Variants in EFCAB8 observed in about 807,000 individuals in gnomAD.
EFCAB8 encodes the protein EF-hand calcium binding domain 8, also known as EF-hand calcium-binding domain-containing protein 8.
EFCAB8 carries 100 observed loss-of-function variants against 116.3 expected under a neutral mutation model. The ratio of observed to expected loss-of-function variants is 0.86; its 90% CI spans 0.73 to 1.02. The LOEUF (loss-of-function observed/expected upper bound fraction) is 1.02, where lower values mean the gene tolerates loss of function less well. EFCAB8 is among the 50% of genes least tolerant of loss of function. The pLI, the probability that EFCAB8 is intolerant of heterozygous loss-of-function variation, is 0.00. For missense variants in EFCAB8, 1,320 were observed against 1,416.9 expected (o/e 0.93, Z 1.10); for synonymous variants, 558 against 567.9 (o/e 0.98, Z 0.25).
At chr20:32,961,006 C>A in intron 26 of EFCAB8, 130 bp from the exon 27 acceptor site, 1 of 787,162 alleles carries the variant, frequency 1.3e-6, no homozygotes, top group Non-Finnish European at 2.1e-6. Flanking sequence ...TAGCCACAGT[C>A]CTCTGGACAC....
At chr20:32,905,129 G>A (rs1030682518) in intron 11 of EFCAB8, among the ~76,000 whole-genome samples, 1 of 152,152 alleles carries the variant, frequency 6.6e-6, no homozygotes, top group Non-Finnish European at 1.5e-5. Context: ...CTCCTGGATC[G>A]CTGCTTACTG....
At chr20:32,933,010 A>C (rs1320394425) in intron 22 of EFCAB8, among the ~76,000 whole-genome samples, 2 of 152,120 alleles carry the variant, frequency 1.3e-5, no homozygotes, top group East Asian at 1.9e-4. Flanking sequence ...TCATCATCAT[A>C]ATAATATTTA....
chr20:32,945,679 G>A (rs1054283522), intron 23 of EFCAB8, among the ~76,000 whole-genome samples: 6 of 151,530 alleles, frequency 4.0e-5, no homozygotes, highest in Admixed American at 2.6e-4. Flanking sequence ...ACTTTATATT[G>A]GGATCCATGC....
intron 5 of EFCAB8, 31 bp from the exon 6 acceptor site, chr20:32,885,474 G>A (rs763197727): frequency 1.3e-6 from 2 of 1,548,664 alleles, no homozygotes; most frequent in South Asian, 2.4e-5. Context: ...GTTTTTGCTT[G>A]GGCTCTTCTC....
intron 1 of EFCAB8, among the ~76,000 whole-genome samples, chr20:32,861,319 G>A (rs8119838): frequency 0.033 from 5,050 of 151,896 alleles, 269 homozygotes; most frequent in African/African-American, 0.11. Flanking sequence ...ACGGAGTTGC[G>A]TTCTTGTTGC....
At chr20:32,877,211 T>TC (rs1403948942) in intron 4 of EFCAB8, among the ~76,000 whole-genome samples, 2 of 140,666 alleles carry the variant, frequency 1.4e-5, no homozygotes, top group African/African-American at 5.1e-5. Flanking sequence ...TTCTTTCTTT[T>TC]TTTTTTTTTT....
Position 32,892,355 on chromosome 20 carries a change from G to A in EFCAB8, c.758+58G>A. 2.0e-6 allele frequency: 3 copies of A among 1,505,168 alleles called. No individual in the cohort carries two copies. The South Asian group carries it at 3.6e-5, about 18-fold the overall frequency. The allele number at this position is 1,505,168 out of a possible 1,614,324, so 93.2% of individuals were successfully genotyped here. ...CAGGAGGCCCAGGCCTCCTGCAGCA[G>A]CCGCATCACTGACTAGGGTTGGGGC... is the stretch of plus-strand genomic sequence containing the variant. On this transcript the variant is annotated intron_variant, in intron 8 of 26. Transcript: ENST00000400522.
chr20:32,875,502 G>GTTTTTT lies in EFCAB8; in HGVS notation c.209-411_209-406dup, dbSNP rs57620114. On this transcript the variant is annotated intron_variant, in intron 3 of 26. Coordinates refer to ENST00000400522, the MANE Select transcript of EFCAB8 (RefSeq NM_001143967.2). ...CTGAGCACACCTGGTAAACATGGTG[G>GTTTTTT]TTTTTTTTTTTTTTTTTTGAGACAG... Among the ~76,000 whole-genome samples, 23 of 89,884 alleles carry GTTTTTT rather than the reference G, an allele frequency of 2.6e-4. 1 individual carries two copies. The highest frequency in any genetic ancestry group is 3.4e-4 in the African/African-American group (10 of 29,708). 59.0% of individuals were successfully genotyped at this position (89,884 alleles called of 152,430 possible).
Position 32,893,223 on chromosome 20 carries a change from G to A in EFCAB8, c.808G>A (p.Val270Ile), listed in dbSNP as rs950875739. 1.4e-5 allele frequency: 21 copies of A among 1,552,044 alleles called. No individual in the cohort carries two copies. The highest frequency in any genetic ancestry group is 1.7e-5 in the Non-Finnish European group (20 of 1,147,072). The change falls in exon 9 of 27, where the codon GTC becomes ATC. Residue 270 changes from valine to isoleucine, a missense_variant. Coordinates refer to ENST00000400522, the MANE Select transcript of EFCAB8 (RefSeq NM_001143967.2). Reference sequence around the variant, plus strand: ...CTGCTATGGAGACGCCAAAGGCAACGTCATTGTCTTCACCTCCGAAAACAT... The same window carrying A: ...CTGCTATGGAGACGCCAAAGGCAACATCATTGTCTTCACCTCCGAAAACAT... ...VFCYGDAKGN[V>I]IVFTSENMTS...
intron 7 of EFCAB8, 25 bp downstream of exon 7, chr20:32,889,431 T>G: frequency 1.9e-6 from 3 of 1,545,268 alleles, no homozygotes; most frequent in Non-Finnish European, 2.6e-6. Flanking sequence ...GCTTCCCAGC[T>G]CTGCTCTCAG....
At chr20:32,863,443 T>G (rs1392965446) in intron 1 of EFCAB8, among the ~76,000 whole-genome samples, 1 of 152,166 alleles carries the variant, frequency 6.6e-6, no homozygotes, top group African/African-American at 2.4e-5. Flanking sequence ...CCTCCTAAGA[T>G]TCTTCTACTT....
chr20:32,889,328 C>T lies in EFCAB8; in HGVS notation c.595C>T (p.Gln199Ter), dbSNP rs1239970216. The T allele has an allele frequency of 1.3e-6, 2 of 1,551,780 alleles. No homozygotes were observed. The highest frequency in any genetic ancestry group is 1.2e-5 in the South Asian group (1 of 84,050). ...TAACCAGACCCAGCAGCTCTACAAC[C>T]AGCCGATGTGGGTCATTGACATGGT... ...RLNQTQQLYNQPMWVIDMVCL... is the reference protein window; with the variant it reads ...RLNQTQQLYN Residue 199 changes from glutamine to a stop codon, truncating the protein, a stop_gained, in exon 7 of 27, where the codon CAG (glutamine) becomes TAG (stop). Coordinates refer to ENST00000400522, the MANE Select transcript of EFCAB8 (RefSeq NM_001143967.2). LOFTEE classifies it high-confidence loss of function.
chr20:32,908,859 C>T (rs1285764611), intron 14 of EFCAB8, among the ~76,000 whole-genome samples: 1 of 152,168 alleles, frequency 6.6e-6, no homozygotes, highest in Non-Finnish European at 1.5e-5. Context: ...CAGGAGAGAC[C>T]CTGTGGGAAA....
chr20:32,872,451 C>T (rs781164240), intron 3 of EFCAB8, among the ~76,000 whole-genome samples: 2 of 152,104 alleles, frequency 1.3e-5, no homozygotes, highest in Admixed American at 6.5e-5. Context: ...CCTGCCATCC[C>T]AGAGCTCTCA....
chr20:32,902,484 C>T (rs1986473397), intron 11 of EFCAB8, among the ~76,000 whole-genome samples: 1 of 152,312 alleles, frequency 6.6e-6, no homozygotes, highest in South Asian at 2.1e-4. Flanking sequence ...CGGTGGCTCA[C>T]TTCTGTAATC....
chr20:32,902,709 A>G (rs1159612208), intron 11 of EFCAB8, among the ~76,000 whole-genome samples: 1 of 152,176 alleles, frequency 6.6e-6, no homozygotes, highest in Non-Finnish European at 1.5e-5. Context: ...TGGCGATGCC[A>G]TCTTAGGGCA....
chr20:32,957,494 G>T (rs78742898), intron 23 of EFCAB8, among the ~76,000 whole-genome samples: 201 of 152,192 alleles, frequency 1.3e-3, no homozygotes, highest in African/African-American at 4.8e-3. Flanking sequence ...GACTCAGTTT[G>T]CCTCTGTGTT....
At chr20:32,897,083 A>G (rs1433385012) in intron 10 of EFCAB8, among the ~76,000 whole-genome samples, 1 of 152,034 alleles carries the variant, frequency 6.6e-6, no homozygotes, top group East Asian at 1.9e-4. Flanking sequence ...GTGCCTCGGC[A>G]TGTGCTGCGC....
At chr20:32,867,831 A>C in intron 3 of EFCAB8, 84 bp downstream of exon 3, 1 of 1,417,240 alleles carries the variant, frequency 7.1e-7, no homozygotes, top group Non-Finnish European at 9.4e-7. Context: ...GAGGGTTCAG[A>C]CATAATAAGC....
Sources: allele counts gnomAD v4.1 joint callset (sites outside exome capture counted in the v4.1 genomes callset), GRCh38; gene constraint gnomAD v4.1.1; transcripts MANE v1.5; gene names NCBI Gene and HGNC (gene_info 2026-07-23, HGNC 2026-07-21).